The following ARID4B variants were observed in gnomAD, a reference collection of about 807,000 sequenced individuals.
The protein encoded by ARID4B is AT-rich interactive domain-containing protein 4B.
A neutral mutation model predicts 147.5 loss-of-function variants in ARID4B; 26 were observed. That is an observed-to-expected ratio of 0.18 (90% CI 0.13 to 0.24). The LOEUF (loss-of-function observed/expected upper bound fraction) is 0.24, where lower values mean the gene tolerates loss of function less well. Among genes scored for constraint, ARID4B ranks in the 10% least tolerant of loss-of-function variants. The pLI, the probability that ARID4B is intolerant of heterozygous loss-of-function variation, is 1.00. For missense variants in ARID4B, 1,179 were observed against 1,511.5 expected (o/e 0.78, Z 3.65); for synonymous variants, 512 against 507.9 (o/e 1.01, Z -0.11).
At chr1:235,232,407 T>C (rs1668296351) in intron 9 of ARID4B, among the ~76,000 whole-genome samples, 1 of 150,272 alleles carries the variant, frequency 6.7e-6, no homozygotes, top group Non-Finnish European at 1.5e-5. Flanking sequence ...GCAACAAGAG[T>C]GAAACTCCAT....
chr1:235,187,905 T>A (rs1664803388), intron 19 of ARID4B, among the ~76,000 whole-genome samples: 1 of 152,162 alleles, frequency 6.6e-6, no homozygotes, highest in Admixed American at 6.5e-5. Flanking sequence ...TGGGAAAGGA[T>A]CAAAATGTCT....
At chr1:235,214,066 CT>C (rs753085393) in intron 16 of ARID4B, 40 bp from the exon 17 acceptor site, 1 of 1,562,110 alleles carries the variant, frequency 6.4e-7, no homozygotes, top group Non-Finnish European at 8.6e-7. Context: ...ATAAAAGACA[CT>C]TCATAAGTTT....
At chr1:235,188,105 GT>G (rs1188325839) in intron 19 of ARID4B, among the ~76,000 whole-genome samples, 6 of 152,150 alleles carry the variant, frequency 3.9e-5, no homozygotes, top group Admixed American at 3.3e-4. Flanking sequence ...AAATATGTGT[GT>G]GGGGGGGTTT....
In ARID4B at chr1:235,176,772, C is replaced by T. The variant is rs373614091; in HGVS notation, c.3448+1028G>A. 1.1e-5 allele frequency: 5 copies of T among 460,808 alleles called. No homozygotes were observed. In the East Asian group the frequency reaches 2.1e-4, roughly 19 times the overall value. The allele number at this position is 460,808 out of a possible 1,614,324, so 28.5% of individuals were successfully genotyped here. A position where few individuals can be genotyped will look rare whatever the true frequency, so the allele number is the denominator to read the frequency against. On this transcript the variant is annotated intron_variant, in intron 21 of 23. Transcript: ENST00000264183. ...CCGCCTGGAAGTCATATGGGCTCAG[C>T]AGAACCTCGGGGAGCTGGCCGAATA...
intron 11 of ARID4B, among the ~76,000 whole-genome samples, chr1:235,228,101 T>C (rs1449364883): frequency 1.3e-5 from 2 of 152,048 alleles, no homozygotes; most frequent in East Asian, 3.9e-4. Flanking sequence ...CACAGAGTGC[T>C]AGGATTAGTC....
Position 235,325,345 on chromosome 1 carries a change from A to AT in ARID4B, c.6+1568dup, listed in dbSNP as rs1289029845. ...AGGCTAAAGTTTCCAACATACTTTC[A>AT]TTTTTTTAAACAGACTACTTAAAAA... is the stretch of plus-strand genomic sequence containing the variant. On this transcript the variant is annotated intron_variant, in intron 2 of 23. Coordinates refer to ENST00000264183, the MANE Select transcript of ARID4B (RefSeq NM_016374.6). 2.0e-5 allele frequency among the ~76,000 whole-genome samples: 3 copies of AT among 151,730 alleles called. 1 individual carries two copies. Among genetic ancestry groups the AT allele is most frequent in the African/African-American group, 7.3e-5 (3 of 41,348 alleles).
At chr1:235,194,325 AAAAG>A in intron 18 of ARID4B, 114 bp from the exon 19 acceptor site, 2 of 858,412 alleles carry the variant, frequency 2.3e-6, no homozygotes, top group South Asian at 3.7e-5. Flanking sequence ...ATTTAACATA[AAAAG>A]AAAGAACATA....
At chr1:235,261,542 G>T (rs1027183921) in intron 2 of ARID4B, among the ~76,000 whole-genome samples, 3 of 151,998 alleles carry the variant, frequency 2.0e-5, no homozygotes, top group African/African-American at 7.2e-5. Context: ...AAACAAAAAA[G>T]AATGTAGTAT....
rs1440576196 is a variant in ARID4B at position 235,177,018 on chromosome 1, G to A, written c.3448+782C>T. ...ATATATTTTCTGTGGATTGATGCAC[G>A]GAGTCGTTGCTAAAGTTGGAGCATA... On this transcript the variant is annotated intron_variant, in intron 21 of 23. Coordinates refer to ENST00000264183, the MANE Select transcript of ARID4B (RefSeq NM_016374.6). 31 of 452,928 alleles carry A rather than the reference G, an allele frequency of 6.8e-5. 1 individual carries two copies. The highest frequency in any genetic ancestry group is 3.5e-4 in the South Asian group (22 of 63,348). 28.1% of individuals were successfully genotyped at this position (452,928 alleles called of 1,614,324 possible).
In ARID4B at chr1:235,269,442, A is replaced by G. The variant is rs567227373; in HGVS notation, c.7-8690T>C. On this transcript the variant is annotated intron_variant, in intron 2 of 23. Transcript: ENST00000264183. ...TCAAAAGAGCAACTTTCTGTGGTAT[A>G]TCTGCCAAGAGTAACTGGAAATGAG... Among the ~76,000 whole-genome samples, 193 of 152,324 alleles carry G rather than the reference A, an allele frequency of 1.3e-3. 1 individual carries two copies. The highest frequency in any genetic ancestry group is 4.5e-3 in the African/African-American group (189 of 41,576).
intron 2 of ARID4B, among the ~76,000 whole-genome samples, chr1:235,274,784 T>G (rs1026175264): frequency 6.6e-6 from 1 of 152,206 alleles, no homozygotes; most frequent in African/African-American, 2.4e-5. Context: ...TGCAACCTAT[T>G]AGTTGACTGA....
chr1:235,175,118 C>T (rs1201841564), intron 22 of ARID4B, 66 bp downstream of exon 22: 3 of 1,448,488 alleles, frequency 2.1e-6, no homozygotes, highest in South Asian at 2.3e-5. Context: ...AAAACAAAAA[C>T]AAAATAAAAC....
intron 2 of ARID4B, among the ~76,000 whole-genome samples, chr1:235,292,499 C>T (rs1252288696): frequency 6.6e-6 from 1 of 151,880 alleles, no homozygotes; most frequent in East Asian, 1.9e-4. Context: ...GCCTGTAATC[C>T]CAGCTACTTG....
chr1:235,259,223 G>A (rs1037659819), intron 3 of ARID4B, among the ~76,000 whole-genome samples: 1 of 152,212 alleles, frequency 6.6e-6, no homozygotes, highest in African/African-American at 2.4e-5. Context: ...GCAAGAAATG[G>A]CAGGACTGCT....
chr1:235,168,029 C>T lies in ARID4B; in HGVS notation c.*496G>A, dbSNP rs1465639261. The T allele has an allele frequency of 5.1e-6, 1 of 197,048 alleles. No homozygotes were observed. Among genetic ancestry groups the T allele is most frequent in the Non-Finnish European group, 1.1e-5 (1 of 94,864 alleles). 12.2% of individuals were successfully genotyped at this position (197,048 alleles called of 1,614,324 possible). On this transcript the variant is annotated 3_prime_UTR_variant, in exon 24 of 24. Coordinates refer to ENST00000264183, the MANE Select transcript of ARID4B (RefSeq NM_016374.6). ...TTAACTGCAGGTTTTGAATTTATTA[C>T]ATGTGCTTGACTTATACAATTAAAG...
At chr1:235,261,706 T>C (rs1265483086) in intron 2 of ARID4B, among the ~76,000 whole-genome samples, 1 of 152,232 alleles carries the variant, frequency 6.6e-6, no homozygotes, top group Non-Finnish European at 1.5e-5. Flanking sequence ...CCTTAACTAA[T>C]ATTTATGTTT....
intron 2 of ARID4B, among the ~76,000 whole-genome samples, chr1:235,291,220 C>T (rs1218891332): frequency 6.6e-6 from 1 of 151,526 alleles, no homozygotes; most frequent in Non-Finnish European, 1.5e-5. Flanking sequence ...CACGTTGAAA[C>T]CCCGTCTCTA....
At chr1:235,317,605 C>T (rs1674529083) in intron 2 of ARID4B, among the ~76,000 whole-genome samples, 3 of 152,052 alleles carry the variant, frequency 2.0e-5, no homozygotes, top group African/African-American at 7.2e-5. Flanking sequence ...TGTTTATATA[C>T]TTCCATAAAC....
At chr1:235,292,403 C>T (rs1252659814) in intron 2 of ARID4B, among the ~76,000 whole-genome samples, 2 of 152,170 alleles carry the variant, frequency 1.3e-5, no homozygotes, top group African/African-American at 4.8e-5. Flanking sequence ...CATTTGAGGT[C>T]AGGTGTTCAA....
Sources: gnomAD v4.1 joint callset for allele counts (sites outside exome capture counted in the v4.1 genomes callset) on GRCh38, gnomAD v4.1.1 for gene constraint, MANE v1.5 for transcripts, NCBI Gene and HGNC (gene_info 2026-07-23, HGNC 2026-07-21) for gene names.